Variants in CYLD observed in about 807,000 individuals in gnomAD.
CYLD encodes the protein ubiquitin carboxyl-terminal hydrolase CYLD.
A neutral mutation model predicts 104.5 loss-of-function variants in CYLD; 26 were observed. The observed-to-expected ratio is 0.25, with a 90% CI of 0.18 to 0.35. CYLD has a LOEUF of 0.35. CYLD is among the 10% of genes least tolerant of loss of function. The pLI, the probability that CYLD is intolerant of heterozygous loss-of-function variation, is 1.00. For synonymous variants in CYLD, 385 were observed against 399.9 expected, an observed-to-expected ratio of 0.96 and a Z score of 0.45; for missense variants, 703 against 1,136.1, an observed-to-expected ratio of 0.62 and a Z score of 5.48.
In CYLD at chr16:50,784,422, G is replaced by A. The variant is rs182210792; in HGVS notation, c.1920G>A (p.Leu640=). Residue 640 remains leucine, a synonymous_variant, in exon 12 of 19, where the codon CTG becomes CTA. Coordinates refer to ENST00000427738, the MANE Select transcript of CYLD (RefSeq NM_001378743.1). ...ATTATAGTGAAACCCAAGAGCTACT[G>A]AGGACAGAAATTGTTAATCCTCTGA... ...VEYYSETQEL[L]RTEIVNPLRI... is the part of the protein sequence containing the mutation. 50 of 1,613,370 alleles carry A rather than the reference G, an allele frequency of 3.1e-5. No homozygotes were observed. In the Admixed American group the frequency reaches 6.5e-4, roughly 21 times the overall value.
In CYLD at chr16:50,796,749, G is replaced by A. The variant is rs1185089744; in HGVS notation, c.*241G>A. 1.9e-6 allele frequency: 1 copy of A among 521,958 alleles called. No homozygotes were observed. 32.3% of individuals were successfully genotyped at this position (521,958 alleles called of 1,614,324 possible). ...TGGTTTTTTAAGAAGTCTAAATGAA[G>A]TTATTAATACCTGAAGCTTTAAGTT... On this transcript the variant is annotated 3_prime_UTR_variant, in exon 19 of 19. Coordinates refer to ENST00000427738, the MANE Select transcript of CYLD (RefSeq NM_001378743.1).
intron 5 of CYLD, among the ~76,000 whole-genome samples, chr16:50,770,675 T>G (rs1019911933): frequency 2.6e-5 from 4 of 152,044 alleles, no homozygotes; most frequent in Non-Finnish European, 5.9e-5. Context: ...GGTCTCGAAC[T>G]CCTGACCTCA....
chr16:50,743,022 T>C (rs1008591761), intron 2 of CYLD, among the ~76,000 whole-genome samples, 181 bp downstream of exon 2: 3 of 152,044 alleles, frequency 2.0e-5, no homozygotes, highest in African/African-American at 7.2e-5. Flanking sequence ...GGCATTTGAA[T>C]GTTTTAGGAT....
intron 12 of CYLD, 45 bp from the exon 13 acceptor site, chr16:50,786,810 A>T: frequency 7.5e-7 from 1 of 1,334,160 alleles, no homozygotes; most frequent in African/African-American, 1.4e-5. Flanking sequence ...GTGTTATATA[A>T]TTTAATACAT....
chr16:50,801,103 T>C lies in CYLD; in HGVS notation c.*4595T>C, dbSNP rs940665123. 4.3e-6 allele frequency: 1 copy of C among 233,308 alleles called. No homozygotes were observed. The highest frequency in any genetic ancestry group is 8.5e-6 in the Non-Finnish European group (1 of 118,072). 14.5% of individuals were successfully genotyped at this position (233,308 alleles called of 1,614,324 possible). Reference sequence around the variant, plus strand: ...TTCTCCGTTCCCCTTCAGACCTTTCTGGGGAGAAGAGGTGGGAGGAGGGGA... The same window carrying C: ...TTCTCCGTTCCCCTTCAGACCTTTCCGGGGAGAAGAGGTGGGAGGAGGGGA... On this transcript the variant is annotated 3_prime_UTR_variant, in exon 19 of 19. Transcript: ENST00000427738.
intron 10 of CYLD, 139 bp from the exon 11 acceptor site, chr16:50,782,186 A>G (rs1238176035): frequency 3.1e-6 from 2 of 644,364 alleles, no homozygotes; most frequent in East Asian, 5.6e-5. Context: ...AGTTAACCAA[A>G]GCCTACTTTC....
intron 5 of CYLD, among the ~76,000 whole-genome samples, chr16:50,760,894 A>G (rs909609526): frequency 1.3e-5 from 2 of 152,216 alleles, no homozygotes; most frequent in Non-Finnish European, 2.9e-5. Flanking sequence ...AGATATAACA[A>G]TTTATATTCC....
chr16:50,752,026 T>C, intron 4 of CYLD, 120 bp downstream of exon 4: 1 of 284,028 alleles, frequency 3.5e-6, no homozygotes, highest in Non-Finnish European at 5.8e-6. Context: ...ATGTATAGTT[T>C]ATATATATAT....
At chr16:50,751,537 A>G in intron 3 of CYLD, 67 bp from the exon 4 acceptor site, 2 of 1,426,272 alleles carry the variant, frequency 1.4e-6, no homozygotes, top group Non-Finnish European at 2.0e-6. Flanking sequence ...AAATCCCTAG[A>G]GTGAACCCCT....
intron 5 of CYLD, among the ~76,000 whole-genome samples, chr16:50,755,118 CATGTGTATATATACACACGTGTACAT>C (rs1966995371): frequency 2.5e-5 from 1 of 39,268 alleles, no homozygotes; most frequent in East Asian, 3.4e-4. Flanking sequence ...CACATATACA[CATGTGTATATATACACACGTGTACAT>C]ATGTGTGTAT....
rs575893839 is a variant in CYLD, at chr16:50,801,823, G to T, written c.*5315G>T. 8.6e-6 allele frequency: 2 copies of T among 232,990 alleles called. No homozygotes were observed. Among genetic ancestry groups the T allele is most frequent in the African/African-American group, 4.4e-5 (2 of 45,252 alleles). The allele number at this position is 232,990 out of a possible 1,614,324, so 14.4% of individuals were successfully genotyped here. ...ATAGAATACCCCTTCCTATCAGCTC[G>T]CTCTGATTTAGCCTTAATTTTGTTA... On this transcript the variant is annotated 3_prime_UTR_variant, in exon 19 of 19. Transcript: ENST00000427738.
At position 50,799,478 on chromosome 16, in the gene CYLD, AGCAACAAAAATCAACTAAATATGTT is replaced by A. The variant is rs1972311352; in HGVS notation, c.*2972_*2996del. 2 of 233,690 alleles carry A rather than the reference AGCAACAAAAATCAACTAAATATGTT, an allele frequency of 8.6e-6. No individual in the cohort carries two copies. The highest frequency in any genetic ancestry group is 3.6e-4 in the South Asian group (2 of 5,530). The allele number at this position is 233,690 out of a possible 1,614,324, so 14.5% of individuals were successfully genotyped here. ...AAACACGTTGAAAACTAGGATAAACAGCAACAAAAATCAACTAAATATGTTGTTACTGTTGCTAAGGATTTTCTCC... is the reference window on the plus strand; with the variant it reads ...AAACACGTTGAAAACTAGGATAAACAGTTACTGTTGCTAAGGATTTTCTCC... On this transcript the variant is annotated 3_prime_UTR_variant, in exon 19 of 19. Coordinates refer to ENST00000427738, the MANE Select transcript of CYLD (RefSeq NM_001378743.1).
chr16:50,776,433 C>A (rs1299345993), intron 7 of CYLD, among the ~76,000 whole-genome samples, 156 bp downstream of exon 7: 1 of 152,176 alleles, frequency 6.6e-6, no homozygotes, highest in Non-Finnish European at 1.5e-5. Context: ...TATATAAATA[C>A]TGTTGCTTAA....
intron 5 of CYLD, among the ~76,000 whole-genome samples, chr16:50,762,519 T>C (rs534140920): frequency 6.6e-6 from 1 of 152,336 alleles, no homozygotes; most frequent in East Asian, 1.9e-4. Context: ...TCTTGGTAGC[T>C]GTGAGAGTAC....
Position 50,785,555 on chromosome 16 carries a change from A to C in CYLD, c.1949+1104A>C, listed in dbSNP as rs569067930. ...ACGATTTTTTTCCCCCAAGTAATTG[A>C]TACTGGAACAAGACAGGTCAAACCC... is the stretch of plus-strand genomic sequence containing the variant. On this transcript the variant is annotated intron_variant, in intron 12 of 18. Transcript: ENST00000427738. 49 of 152,292 alleles carry C rather than the reference A, an allele frequency of 3.2e-4. 1 individual carries two copies. Among genetic ancestry groups the C allele is most frequent in the African/African-American group, 1.1e-3 (46 of 41,570 alleles). 9.4% of individuals were successfully genotyped at this position (152,292 alleles called of 1,614,324 possible).
chr16:50,746,099 G>A (rs139512599), intron 2 of CYLD, among the ~76,000 whole-genome samples: 12 of 152,284 alleles, frequency 7.9e-5, no homozygotes, highest in Admixed American at 1.3e-4. Context: ...GTGCGGTGGC[G>A]TGATCATGGC....
At chr16:50,787,353 T>G in intron 13 of CYLD, 1 of 280,094 alleles carries the variant, frequency 3.6e-6, no homozygotes, top group Non-Finnish European at 6.8e-6. Flanking sequence ...CAGGGAACAG[T>G]GTTATAATCT....
Position 50,796,421 on chromosome 16 carries a change from C to T in CYLD, c.2784C>T (p.Ser928=), listed in dbSNP as rs2151047722. The part of the protein sequence containing the change: ...MSLEDLHSLD[S]RRIQGCARRL... ...TGGAAGACCTGCATTCCTTGGACTC[C>T]AGGAGAATCCAAGGCTGTGCACGAA... The change falls in exon 19 of 19, where the codon TCC becomes TCT. Residue 928 remains serine (S), a synonymous_variant. Transcript: ENST00000427738. 1.2e-6 allele frequency: 2 copies of T among 1,613,900 alleles called. No individual in the cohort carries two copies. Among genetic ancestry groups the T allele is most frequent in the Non-Finnish European group, 1.7e-6 (2 of 1,179,864 alleles).
intron 6 of CYLD, 60 bp from the exon 7 acceptor site, chr16:50,776,118 TC>T (rs1969654046): frequency 2.5e-6 from 3 of 1,211,010 alleles, no homozygotes; most frequent in Admixed American, 1.7e-5. Context: ...TTACTGTCAT[TC>T]CTTGTTTCTC....
Sources: gnomAD v4.1 joint callset for allele counts (sites outside exome capture counted in the v4.1 genomes callset) on GRCh38, gnomAD v4.1.1 for gene constraint, MANE v1.5 for transcripts, NCBI Gene and HGNC (gene_info 2026-07-23, HGNC 2026-07-21) for gene names.